MAML3: variants seen among roughly 807,000 people sequenced by gnomAD.
MAML3 encodes mastermind like transcriptional coactivator 3.
A neutral mutation model predicts 101.9 loss-of-function variants in MAML3; 27 were observed. The ratio of observed to expected loss-of-function variants is 0.27; its 90% CI spans 0.20 to 0.37. The LOEUF is 0.37. MAML3 is among the 10% of genes least tolerant of loss of function. The pLI is 1.00. For synonymous variants in MAML3, 501 were observed against 555.9 expected (o/e 0.90, Z 1.39); for missense variants, 1,316 against 1,444.9 (o/e 0.91, Z 1.45).
rs533638458 is a variant in MAML3, at chr4:139,889,484, G to GGCT, written c.1949_1951dup (p.Gln650dup). On this transcript the variant is annotated inframe_insertion, in exon 2 of 5. Coordinates refer to ENST00000509479, the MANE Select transcript of MAML3 (RefSeq NM_018717.5). ...GGGGGCCTGGAGCTGTGGAGGTGGCGGCTGCTGCTGCTGCTGCTGCTGCTG... is the reference window on the plus strand; with the variant it reads ...GGGGGCCTGGAGCTGTGGAGGTGGCGGCTGCTGCTGCTGCTGCTGCTGCTGCTG... The GGCT allele has an allele frequency of 9.6e-4, 1,398 of 1,457,978 alleles. 10 individuals carry two copies. The African/African-American group carries it at 0.015, about 15-fold the overall frequency. 90.3% of individuals were successfully genotyped at this position (1,457,978 alleles called of 1,614,324 possible).
intron 2 of MAML3, among the ~76,000 whole-genome samples, chr4:139,853,129 T>C (rs1005609685): frequency 6.6e-6 from 1 of 152,190 alleles, no homozygotes; most frequent in Non-Finnish European, 1.5e-5. Flanking sequence ...TCAGCCCTAG[T>C]ATCCACACAT....
intron 1 of MAML3, among the ~76,000 whole-genome samples, chr4:140,128,748 A>G (rs1728729631): frequency 6.6e-6 from 1 of 152,188 alleles, no homozygotes; most frequent in Non-Finnish European, 1.5e-5. Flanking sequence ...TCTTCACAAC[A>G]ACCATCGCTA....
At chr4:139,888,681 A>G (rs1018315741) in intron 2 of MAML3, 31 of 518,752 alleles carry the variant, frequency 6.0e-5, no homozygotes, top group Non-Finnish European at 1.1e-4. Flanking sequence ...ATACAGCACT[A>G]AGATATATTC....
At chr4:139,829,261 G>A (rs970828017) in intron 2 of MAML3, among the ~76,000 whole-genome samples, 6 of 151,784 alleles carry the variant, frequency 4.0e-5, no homozygotes, top group Admixed American at 3.9e-4. Flanking sequence ...AAAAAGAAAG[G>A]AAGAAAGAAA....
intron 2 of MAML3, among the ~76,000 whole-genome samples, chr4:139,739,358 G>T (rs1729073595): frequency 6.6e-6 from 1 of 152,170 alleles, no homozygotes; most frequent in Admixed American, 6.5e-5. Flanking sequence ...AATACCATTT[G>T]TCCTTATCAG....
intron 1 of MAML3, among the ~76,000 whole-genome samples, chr4:139,960,291 G>T (rs934499891): frequency 6.6e-6 from 1 of 152,204 alleles, no homozygotes; most frequent in African/African-American, 2.4e-5. Flanking sequence ...ATTCTGTCCT[G>T]TGCACTCTGC....
intron 2 of MAML3, among the ~76,000 whole-genome samples, chr4:139,827,244 TC>T (rs1731076678): frequency 6.6e-6 from 1 of 152,166 alleles, no homozygotes; most frequent in Middle Eastern, 3.2e-3. Flanking sequence ...GCATTGGATT[TC>T]AAATACCAGT....
At chr4:140,028,703 C>T (rs963454773) in intron 1 of MAML3, among the ~76,000 whole-genome samples, 3 of 152,148 alleles carry the variant, frequency 2.0e-5, no homozygotes, top group African/African-American at 7.2e-5. Context: ...ATAGCTCAGA[C>T]ATTTGAGCAT....
In MAML3 at chr4:140,060,163, C is replaced by T. The variant is rs1370431562; in HGVS notation, c.468+92697G>A. ...GGTGGATCACCTGAAGTCAGGAGTT[C>T]GAGACAAGCCTGGTCAACACGGTGA... On this transcript the variant is annotated intron_variant, in intron 1 of 4. Coordinates refer to ENST00000509479, the MANE Select transcript of MAML3 (RefSeq NM_018717.5). 5.3e-5 allele frequency among the ~76,000 whole-genome samples: 8 copies of T among 151,648 alleles called. 1 individual carries two copies. The South Asian group carries it at 8.4e-4, about 16-fold the overall frequency.
chr4:140,040,693 T>C (rs1727071555), intron 1 of MAML3, among the ~76,000 whole-genome samples: 1 of 152,230 alleles, frequency 6.6e-6, no homozygotes, highest in Admixed American at 6.5e-5. Flanking sequence ...CACAGAGTAA[T>C]TGCCATATTT....
intron 2 of MAML3, among the ~76,000 whole-genome samples, chr4:139,753,276 A>G (rs181745673): frequency 1.3e-4 from 20 of 152,296 alleles, no homozygotes; most frequent in Admixed American, 1.2e-3. Flanking sequence ...GAACTTTTTC[A>G]TCTTAAACAG....
chr4:139,883,889 C>CTT (rs70943452), intron 2 of MAML3, among the ~76,000 whole-genome samples: 87 of 74,272 alleles, frequency 1.2e-3, no homozygotes, highest in African/African-American at 1.7e-3. Context: ...AATTGCTTGT[C>CTT]TTTTTTTTTT....
intron 2 of MAML3, among the ~76,000 whole-genome samples, chr4:139,829,591 A>T (rs570709878): frequency 6.6e-6 from 1 of 152,256 alleles, no homozygotes; most frequent in East Asian, 1.9e-4. Flanking sequence ...AGTGACTTGT[A>T]TACTGGCAGA....
chr4:139,809,993 TAA>T lies in MAML3; in HGVS notation c.2080-79328_2080-79327del, dbSNP rs555863588. On this transcript the variant is annotated intron_variant, in intron 2 of 4. Transcript: ENST00000509479. ...TCAAGGGATCAAGAGAAGAGTTTAG[TAA>T]AGAGAGGTTGTGGGTGGATAGTTAT... Among the ~76,000 whole-genome samples the T allele has an allele frequency of 4.4e-4, 67 of 151,714 alleles. 1 individual carries two copies. The highest frequency in any genetic ancestry group is 1.5e-3 in the African/African-American group (62 of 41,328).
chr4:139,896,450 G>A (rs1732614791), intron 1 of MAML3, among the ~76,000 whole-genome samples: 2 of 152,144 alleles, frequency 1.3e-5, no homozygotes, highest in African/African-American at 2.4e-5. Context: ...GTGAAGCTGT[G>A]GTGCCAGGAG....
At chr4:139,989,880 C>CAGAG (rs1310864161) in intron 1 of MAML3, among the ~76,000 whole-genome samples, 6,277 of 58,012 alleles carry the variant, frequency 0.11, 183 homozygotes, top group South Asian at 0.31. Context: ...CACACACACA[C>CAGAG]ACAGAGAGAG....
At chr4:139,948,119 A>AATAAATAG (rs1733765560) in intron 1 of MAML3, among the ~76,000 whole-genome samples, 1 of 150,810 alleles carries the variant, frequency 6.6e-6, no homozygotes, top group Non-Finnish European at 1.5e-5. Flanking sequence ...TAAATAAATA[A>AATAAATAG]ATAAATAAAT....
At chr4:139,906,891 T>A (rs1046230368) in intron 1 of MAML3, among the ~76,000 whole-genome samples, 2 of 151,516 alleles carry the variant, frequency 1.3e-5, no homozygotes, top group African/African-American at 4.8e-5. Flanking sequence ...TTTTTTGTAA[T>A]AACAATTGAT....
At chr4:139,996,667 G>T (rs1246741183) in intron 1 of MAML3, among the ~76,000 whole-genome samples, 1 of 135,414 alleles carries the variant, frequency 7.4e-6, no homozygotes, top group Non-Finnish European at 1.6e-5. Flanking sequence ...ACGTTTCTAT[G>T]GACAGTATAT....
Sources: gnomAD v4.1 joint callset for allele counts (sites outside exome capture counted in the v4.1 genomes callset) on GRCh38, gnomAD v4.1.1 for gene constraint, MANE v1.5 for transcripts, NCBI Gene and HGNC (gene_info 2026-07-23, HGNC 2026-07-21) for gene names.